The following BBX variants were observed in gnomAD, a reference collection of about 807,000 sequenced individuals.
BBX encodes the protein BBX high mobility group box domain containing.
In BBX, 30 loss-of-function variants were observed where a neutral mutation model predicts 100.2. The observed-to-expected ratio is 0.30, with a 90% CI of 0.22 to 0.41. The LOEUF (loss-of-function observed/expected upper bound fraction) is 0.41, where lower values mean the gene tolerates loss of function less well. BBX is among the 10% of genes least tolerant of loss of function. The pLI is 1.00. For missense variants in BBX, 1,023 were observed against 1,129.8 expected, an observed-to-expected ratio of 0.91 and a Z score of 1.35; for synonymous variants, 376 against 388.1, an observed-to-expected ratio of 0.97 and a Z score of 0.37.
At chr3:107,798,869 G>A (rs2070068866) in intron 16 of BBX, 149 bp downstream of exon 16, 1 of 872,198 alleles carries the variant, frequency 1.1e-6, no homozygotes. Flanking sequence ...AAAAAAACCA[G>A]GCCAGGCGCG....
intron 3 of BBX, among the ~76,000 whole-genome samples, chr3:107,663,273 TTGTC>T (rs1350645380): frequency 2.0e-5 from 3 of 152,204 alleles, no homozygotes; most frequent in Non-Finnish European, 4.4e-5. Context: ...TTCTCTACCA[TTGTC>T]TGTGTTTATA....
intron 9 of BBX, among the ~76,000 whole-genome samples, chr3:107,752,802 G>A (rs1239730467): frequency 6.6e-6 from 1 of 152,172 alleles, no homozygotes; most frequent in Non-Finnish European, 1.5e-5. Flanking sequence ...AACATCCTAT[G>A]CCGTATGGCC....
chr3:107,625,632 T>C lies in BBX; in HGVS notation c.-83-20204T>C, dbSNP rs146957608. ...GAGTTTTTTAACATCAGTTATTTTT[T>C]TGTATGTCCAGAAACTCTGGTTTTG... On this transcript the variant is annotated intron_variant, in intron 2 of 17. Coordinates refer to ENST00000325805, the MANE Select transcript of BBX (RefSeq NM_001142568.3). 5.2e-3 allele frequency among the ~76,000 whole-genome samples: 791 copies of C among 152,302 alleles called. 3 individuals carry two copies. The highest frequency in any genetic ancestry group is 8.4e-3 in the Non-Finnish European group (570 of 68,024).
intron 8 of BBX, among the ~76,000 whole-genome samples, chr3:107,747,270 G>A (rs1383762207): frequency 1.3e-5 from 2 of 152,012 alleles, no homozygotes; most frequent in African/African-American, 2.4e-5. Flanking sequence ...GTGGGAGGAC[G>A]CAGGTGCTAT....
At chr3:107,575,802 G>T (rs1026031370) in intron 2 of BBX, among the ~76,000 whole-genome samples, 1 of 152,182 alleles carries the variant, frequency 6.6e-6, no homozygotes, top group African/African-American at 2.4e-5. Flanking sequence ...TTTTCTAAAT[G>T]TAGATAAATG....
intron 3 of BBX, among the ~76,000 whole-genome samples, chr3:107,692,351 C>G (rs903141521): frequency 2.0e-5 from 3 of 151,934 alleles, no homozygotes; most frequent in Non-Finnish European, 4.4e-5. Context: ...CCCCCTCACC[C>G]CACCCCACAA....
intron 3 of BBX, among the ~76,000 whole-genome samples, chr3:107,689,692 G>A (rs1016164102): frequency 1.5e-4 from 23 of 152,144 alleles, no homozygotes; most frequent in African/African-American, 5.3e-4. Context: ...TTTGAGATAC[G>A]AATGGAAGTT....
chr3:107,639,157 A>G (rs1259333890), intron 2 of BBX, among the ~76,000 whole-genome samples: 2 of 152,220 alleles, frequency 1.3e-5, no homozygotes, highest in East Asian at 1.9e-4. Flanking sequence ...TTTTTATCAA[A>G]TGACTTTGGA....
At chr3:107,654,224 CA>C in intron 3 of BBX, among the ~76,000 whole-genome samples, 1 of 152,254 alleles carries the variant, frequency 6.6e-6, no homozygotes, top group Middle Eastern at 3.4e-3. Context: ...GTGAAGTGAA[CA>C]TTTAAATAAA....
At chr3:107,749,386 TTCTA>T (rs1236789921) in intron 9 of BBX, among the ~76,000 whole-genome samples, 4 of 152,226 alleles carry the variant, frequency 2.6e-5, no homozygotes, top group East Asian at 1.9e-4. Flanking sequence ...TCTGAGCCAG[TTCTA>T]TCTAACTTTT....
intron 2 of BBX, among the ~76,000 whole-genome samples, chr3:107,539,051 A>G (rs116020219): frequency 6.6e-6 from 1 of 152,214 alleles, no homozygotes; most frequent in Non-Finnish European, 1.5e-5. Flanking sequence ...CGGCCTCTCA[A>G]AGTGCTGAGA....
chr3:107,607,288 G>C (rs1003559578), intron 2 of BBX, among the ~76,000 whole-genome samples: 6 of 151,966 alleles, frequency 3.9e-5, no homozygotes, highest in East Asian at 1.9e-4. Flanking sequence ...GTAGAGACAG[G>C]GTTTCACCGT....
At chr3:107,746,641 G>A (rs549942626) in intron 8 of BBX, among the ~76,000 whole-genome samples, 1 of 151,282 alleles carries the variant, frequency 6.6e-6, no homozygotes, top group East Asian at 1.9e-4. Flanking sequence ...TTAATTTTGA[G>A]ACAAGGTCTT....
chr3:107,780,666 A>T (rs1296035675), intron 13 of BBX, among the ~76,000 whole-genome samples: 2 of 152,126 alleles, frequency 1.3e-5, no homozygotes, highest in African/African-American at 4.8e-5. Flanking sequence ...TGCAATTAAA[A>T]TAAGCAGAAA....
At position 107,798,516 on chromosome 3, in the gene BBX, A is replaced by G. The variant is rs1271317342; in HGVS notation, c.2354-7A>G. On this transcript the variant is annotated splice_polypyrimidine_tract_variant and splice_region_variant and intron_variant, in intron 15 of 17. Transcript: ENST00000325805. ...TGCATAACTATGCATGGTATTTCCT[A>G]TTTCAGCCATATTTTCAGAAGACAG... 2.5e-6 allele frequency: 4 copies of G among 1,612,462 alleles called. No individual in the cohort carries two copies. The highest frequency in any genetic ancestry group is 1.1e-5 in the South Asian group (1 of 91,024).
chr3:107,734,749 G>C (rs2063534171), intron 7 of BBX, among the ~76,000 whole-genome samples: 1 of 152,090 alleles, frequency 6.6e-6, no homozygotes, highest in Non-Finnish European at 1.5e-5. Context: ...AGAAAAGCAT[G>C]GTTTCTTTTT....
chr3:107,791,929 A>C (rs150809856), intron 15 of BBX, among the ~76,000 whole-genome samples: 3,393 of 152,256 alleles, frequency 0.022, 124 homozygotes, highest in African/African-American at 0.075. Context: ...TGAACCCGGG[A>C]GGCGGAAGTT....
intron 2 of BBX, among the ~76,000 whole-genome samples, chr3:107,549,169 T>C (rs1370705585): frequency 6.6e-6 from 1 of 152,178 alleles, no homozygotes; most frequent in Non-Finnish European, 1.5e-5. Flanking sequence ...GAAAAATAAA[T>C]AGTAAAATAA....
intron 2 of BBX, among the ~76,000 whole-genome samples, chr3:107,539,784 A>C (rs956761737): frequency 6.6e-6 from 1 of 152,214 alleles, no homozygotes; most frequent in African/African-American, 2.4e-5. Flanking sequence ...ACTCACTCCA[A>C]GTGGACTATC....
Sources: allele counts gnomAD v4.1 joint callset (sites outside exome capture counted in the v4.1 genomes callset), GRCh38; gene constraint gnomAD v4.1.1; transcripts MANE v1.5; gene names NCBI Gene and HGNC (gene_info 2026-07-23, HGNC 2026-07-21).